STAU2: variants seen among roughly 807,000 people sequenced by gnomAD.
The protein encoded by STAU2 is double-stranded RNA-binding protein Staufen homolog 2.
STAU2 carries 20 observed loss-of-function variants against 65.9 expected under a neutral mutation model. That is an observed-to-expected ratio of 0.30 (90% CI 0.21 to 0.44). The LOEUF (loss-of-function observed/expected upper bound fraction) is 0.44, where lower values mean the gene tolerates loss of function less well. Ranked by LOEUF, STAU2 falls within the 20% of genes least tolerant of loss-of-function variation. The pLI is 1.00. For synonymous variants in STAU2, 232 were observed against 233.9 expected, an observed-to-expected ratio of 0.99 and a Z score of 0.07; for missense variants, 558 against 683.9, an observed-to-expected ratio of 0.82 and a Z score of 2.05.
chr8:73,592,122 C>CA (rs933962503), intron 11 of STAU2, among the ~76,000 whole-genome samples: 4 of 150,712 alleles, frequency 2.7e-5, no homozygotes, highest in South Asian at 2.1e-4. Context: ...GAGCAGAAAT[C>CA]AAAAAAACTG....
intron 8 of STAU2, among the ~76,000 whole-genome samples, chr8:73,615,173 C>G (rs954183675): frequency 6.6e-6 from 1 of 151,480 alleles, no homozygotes; most frequent in African/African-American, 2.4e-5. Context: ...AAATTTCATA[C>G]AATTTTATGA....
At chr8:73,606,977 A>G (rs1160292415) in intron 9 of STAU2, among the ~76,000 whole-genome samples, 1 of 152,244 alleles carries the variant, frequency 6.6e-6, no homozygotes, top group Non-Finnish European at 1.5e-5. Context: ...GCCAAAAAAA[A>G]GAGTGGTTTC....
intron 5 of STAU2, among the ~76,000 whole-genome samples, chr8:73,683,127 C>A (rs1053759298): frequency 1.3e-5 from 2 of 152,096 alleles, no homozygotes; most frequent in Non-Finnish European, 2.9e-5. Flanking sequence ...GCCATTATCA[C>A]CCTAATACCA....
chr8:73,475,909 T>G (rs1034916192), intron 13 of STAU2, among the ~76,000 whole-genome samples: 2 of 152,208 alleles, frequency 1.3e-5, no homozygotes, highest in African/African-American at 4.8e-5. Context: ...TATGAACAAC[T>G]AAAAACAGAT....
chr8:73,734,144 G>T (rs1806257854), intron 3 of STAU2, among the ~76,000 whole-genome samples: 1 of 150,598 alleles, frequency 6.6e-6, no homozygotes, highest in Non-Finnish European at 1.5e-5. Flanking sequence ...AAAAAATCTA[G>T]AAGTATACAC....
In STAU2 at chr8:73,738,422, C is replaced by T. The variant is rs1259847343; in HGVS notation, c.-83-73G>A. ...CAATGACTGGTATTTTAAACACATG[C>T]CCTTGATCAAAATCAAATATAAAAT... On this transcript the variant is annotated intron_variant, in intron 2 of 14. Transcript: ENST00000524300. The T allele has an allele frequency of 7.0e-6, 7 of 1,001,878 alleles. No homozygotes were observed. The East Asian group carries it at 1.5e-4, about 22-fold the overall frequency. 62.1% of individuals were successfully genotyped at this position (1,001,878 alleles called of 1,614,324 possible).
At chr8:73,740,613 A>T (rs868643617) in intron 1 of STAU2, among the ~76,000 whole-genome samples, 4 of 152,182 alleles carry the variant, frequency 2.6e-5, no homozygotes, top group Admixed American at 6.5e-5. Flanking sequence ...ACAACCAATC[A>T]TCTTTTTTTT....
At chr8:73,428,445 C>T (rs1398981809) in intron 13 of STAU2, among the ~76,000 whole-genome samples, 1 of 152,078 alleles carries the variant, frequency 6.6e-6, no homozygotes, top group Non-Finnish European at 1.5e-5. Flanking sequence ...GCAGATATCT[C>T]TTGACACACA....
At chr8:73,570,951 A>C (rs1288762095) in intron 12 of STAU2, among the ~76,000 whole-genome samples, 1 of 152,210 alleles carries the variant, frequency 6.6e-6, no homozygotes, top group Non-Finnish European at 1.5e-5. Flanking sequence ...ACAGACTGGC[A>C]GTTTGGATAA....
chr8:73,518,535 G>C (rs866269911), intron 13 of STAU2, among the ~76,000 whole-genome samples: 1 of 152,152 alleles, frequency 6.6e-6, no homozygotes, highest in African/African-American at 2.4e-5. Context: ...CAGTAAAGCT[G>C]TATTTACAGG....
At chr8:73,446,760 C>T (rs1294879120) in intron 13 of STAU2, among the ~76,000 whole-genome samples, 4 of 151,952 alleles carry the variant, frequency 2.6e-5, no homozygotes, top group African/African-American at 9.7e-5. Flanking sequence ...CAGACGTGAG[C>T]CATTGTGCCT....
intron 13 of STAU2, among the ~76,000 whole-genome samples, chr8:73,424,599 C>T (rs981485113): frequency 7.9e-5 from 12 of 151,918 alleles, no homozygotes; most frequent in Non-Finnish European, 1.5e-4. Context: ...ACAGTTTGTC[C>T]GTTCACTTAT....
At chr8:73,541,481 G>A (rs1382086446) in intron 13 of STAU2, among the ~76,000 whole-genome samples, 1 of 151,988 alleles carries the variant, frequency 6.6e-6, no homozygotes, top group African/African-American at 2.4e-5. Context: ...TATTAATCTG[G>A]GGAAGAAATG....
intron 13 of STAU2, among the ~76,000 whole-genome samples, chr8:73,546,787 C>T (rs1250800719): frequency 6.6e-6 from 1 of 152,192 alleles, no homozygotes; most frequent in Non-Finnish European, 1.5e-5. Flanking sequence ...GCTGGACTCA[C>T]TTCAACATGA....
At chr8:73,681,286 G>T (rs535581589) in intron 5 of STAU2, among the ~76,000 whole-genome samples, 2 of 152,230 alleles carry the variant, frequency 1.3e-5, no homozygotes, top group Non-Finnish European at 2.9e-5. Context: ...AAATCTACAA[G>T]CCAGATGGAA....
At chr8:73,642,570 C>A (rs972236327) in intron 6 of STAU2, among the ~76,000 whole-genome samples, 4 of 152,096 alleles carry the variant, frequency 2.6e-5, no homozygotes, top group Non-Finnish European at 5.9e-5. Flanking sequence ...AAAATGAAGA[C>A]CAAATTTCGT....
chr8:73,662,434 C>T (rs1449057684), intron 6 of STAU2, among the ~76,000 whole-genome samples: 1 of 152,078 alleles, frequency 6.6e-6, no homozygotes, highest in African/African-American at 2.4e-5. Flanking sequence ...TGTAATTTCT[C>T]AATTGTTGCA....
chr8:73,552,600 T>C (rs1807417622), intron 12 of STAU2, among the ~76,000 whole-genome samples: 1 of 152,154 alleles, frequency 6.6e-6, no homozygotes, highest in Non-Finnish European at 1.5e-5. Context: ...CAAGGGAAAC[T>C]GAATGTGTGG....
chr8:73,656,922 G>C (rs1194831138), intron 6 of STAU2, among the ~76,000 whole-genome samples: 1 of 152,238 alleles, frequency 6.6e-6, no homozygotes, highest in African/African-American at 2.4e-5. Flanking sequence ...ACGGAAAGCA[G>C]TGATTGTTAT....
Sources: gnomAD v4.1 joint callset for allele counts (sites outside exome capture counted in the v4.1 genomes callset) on GRCh38, gnomAD v4.1.1 for gene constraint, MANE v1.5 for transcripts, NCBI Gene and HGNC (gene_info 2026-07-23, HGNC 2026-07-21) for gene names.